Variants in GAD2 observed in about 807,000 individuals in gnomAD.
GAD2 encodes the protein 65 kDa glutamic acid decarboxylase.
In GAD2, 22 loss-of-function variants were observed where a neutral mutation model predicts 80.1. The ratio of observed to expected loss-of-function variants is 0.27; its 90% confidence interval spans 0.20 to 0.39. The LOEUF is 0.39. GAD2 is among the 10% of genes least tolerant of loss of function. The probability of loss-of-function intolerance (pLI) is 1.00; values close to 1 mark genes in which losing one functional copy is unlikely to be tolerated. For synonymous variants in GAD2, 274 were observed against 256.9 expected, an observed-to-expected ratio of 1.07 and a Z score of -0.64; for missense variants, 624 against 738.4, an observed-to-expected ratio of 0.85 and a Z score of 1.80.
At position 26,223,948 on chromosome 10, in the gene GAD2, C is replaced by T. The variant is rs773342443; in HGVS notation, c.582C>T (p.Asp194=). 6.2e-7 allele frequency: 1 copy of T among 1,611,330 alleles called. No individual in the cohort carries two copies. The highest frequency in any genetic ancestry group is 1.1e-5 in the South Asian group (1 of 90,770). ...TGLDMVGLAA[D]WLTSTANTNM... ...TGGATATGGTTGGATTAGCAGCAGA[C>T]TGGCTGACATCAACAGCAAATACTA... Residue 194 remains aspartate (D), a synonymous_variant, in exon 5 of 16, where the codon GAC becomes GAT. Coordinates refer to ENST00000376261, the MANE Select transcript of GAD2 (RefSeq NM_001134366.2).
rs777027610 is a variant in GAD2, at chr10:26,281,061, T to A, written c.1210T>A (p.Cys404Ser). The change falls in exon 12 of 16, where the codon TGC becomes AGC. Residue 404 changes from cysteine (C) to serine (S), a missense_variant. Cys to Ser is a moderately radical substitution (Grantham distance 112). Transcript: ENST00000376261. ...CAAGATGATGGGAGTCCCTTTGCAGTGCTCTGCTCTCCTGGTTAGAGAAGA... is the reference window on the plus strand; with the variant it reads ...CAAGATGATGGGAGTCCCTTTGCAGAGCTCTGCTCTCCTGGTTAGAGAAGA... Reference protein sequence around the residue: ...PHKMMGVPLQCSALLVREEGL... With the variant: ...PHKMMGVPLQSSALLVREEGL... The A allele has an allele frequency of 8.7e-6, 14 of 1,613,402 alleles. No homozygotes were observed. In the Admixed American group the frequency reaches 2.3e-4, roughly 27 times the overall value.
Position 26,300,969 on chromosome 10 carries a change from G to T in GAD2, c.*8G>T. ...CTTGGACAAGATTTATAATAACCTT[G>T]CTCACCAAGCTGTTCCACTTCTCTA... On this transcript the variant is annotated 3_prime_UTR_variant, in exon 16 of 16. Coordinates refer to ENST00000376261, the MANE Select transcript of GAD2 (RefSeq NM_001134366.2). The T allele has an allele frequency of 6.2e-7, 1 of 1,609,864 alleles. No individual in the cohort carries two copies.
At position 26,300,902 on chromosome 10, in the gene GAD2, A is replaced by G. The variant is rs1231976023; in HGVS notation, c.1699A>G (p.Thr567Ala). ...FRMVISNPAA[T>A]HQDIDFLIEE... is the part of the protein sequence containing the mutation. ...CATGGTCATCTCAAACCCAGCGGCA[A>G]CTCACCAAGACATTGACTTCCTGAT... The change falls in exon 16 of 16, where the codon ACT becomes GCT. Residue 567 changes from threonine to alanine, a missense_variant. By Grantham distance (58) the Thr-to-Ala change is moderately conservative. Transcript: ENST00000376261. 1 of 1,613,904 alleles carries G rather than the reference A, an allele frequency of 6.2e-7. No homozygotes were observed. Among genetic ancestry groups the G allele is most frequent in the Non-Finnish European group, 8.5e-7 (1 of 1,179,850 alleles).
intron 15 of GAD2, among the ~76,000 whole-genome samples, chr10:26,297,428 G>A (rs1834286715): frequency 6.6e-6 from 1 of 152,188 alleles, no homozygotes; most frequent in Non-Finnish European, 1.5e-5. Context: ...TTATGGAAAA[G>A]TCGCCTGGTT....
rs117831688 is a variant in GAD2 at position 26,236,618 on chromosome 10, G to A, written c.840+6841G>A. 4.1e-4 allele frequency among the ~76,000 whole-genome samples: 62 copies of A among 152,166 alleles called. No homozygotes were observed. In the East Asian group the frequency reaches 4.8e-3, roughly 12 times the overall value. ...ACCTGGCCATAAAGATGACTTTCACGTATCATTATTGGAGAGGTTTTTAGT... is the reference window on the plus strand; with the variant it reads ...ACCTGGCCATAAAGATGACTTTCACATATCATTATTGGAGAGGTTTTTAGT... On this transcript the variant is annotated intron_variant, in intron 7 of 15. Coordinates refer to ENST00000376261, the MANE Select transcript of GAD2 (RefSeq NM_001134366.2).
chr10:26,291,687 A>G (rs1005739884), intron 13 of GAD2, among the ~76,000 whole-genome samples: 2 of 152,160 alleles, frequency 1.3e-5, no homozygotes, highest in African/African-American at 2.4e-5. Flanking sequence ...TTTCTCCATC[A>G]GCACCCAGTA....
At chr10:26,245,881 T>C (rs754276904) in intron 7 of GAD2, 40 bp from the exon 8 acceptor site, 32 of 1,463,640 alleles carry the variant, frequency 2.2e-5, no homozygotes, top group Non-Finnish European at 3.0e-5. Flanking sequence ...ATCTTGTCTG[T>C]ATATGGAACT....
intron 11 of GAD2, among the ~76,000 whole-genome samples, chr10:26,278,707 A>G (rs1245169084): frequency 6.6e-6 from 1 of 152,028 alleles, no homozygotes; most frequent in Non-Finnish European, 1.5e-5. Context: ...AGGGGTAGTT[A>G]TCTGACCATG....
intron 11 of GAD2, among the ~76,000 whole-genome samples, chr10:26,277,356 G>T (rs992286522): frequency 6.6e-6 from 1 of 152,202 alleles, no homozygotes; most frequent in Non-Finnish European, 1.5e-5. Flanking sequence ...ATCTGCGGGG[G>T]TTCTTTCCAC....
rs771522366 is a variant in GAD2 at position 26,224,547 on chromosome 10, A to G, written c.620A>G (p.Tyr207Cys). ...TSTANTNMFTYEIAPVFVLLE... is the reference protein window; with the variant it reads ...TSTANTNMFTCEIAPVFVLLE... ...CCATTACTACATTTCAGGTTCACCTATGAAATTGCTCCAGTATTTGTGCTT... is the reference window on the plus strand; with the variant it reads ...CCATTACTACATTTCAGGTTCACCTGTGAAATTGCTCCAGTATTTGTGCTT... The change falls in exon 6 of 16, where the codon TAT (tyrosine) becomes TGT (cysteine). Residue 207 changes from tyrosine (Y) to cysteine (C), a missense_variant. Coordinates refer to ENST00000376261, the MANE Select transcript of GAD2 (RefSeq NM_001134366.2). 13 of 1,607,922 alleles carry G rather than the reference A, an allele frequency of 8.1e-6. No individual in the cohort carries two copies. The highest frequency in any genetic ancestry group is 1.1e-5 in the Non-Finnish European group (13 of 1,174,424).
chr10:26,300,007 A>G (rs753875857), intron 15 of GAD2, among the ~76,000 whole-genome samples: 4 of 152,332 alleles, frequency 2.6e-5, no homozygotes, highest in Non-Finnish European at 5.9e-5. Context: ...GTCTTGTCAG[A>G]GTTGAAGATT....
chr10:26,266,968 G>C (rs1403098746), intron 8 of GAD2, among the ~76,000 whole-genome samples: 2 of 152,154 alleles, frequency 1.3e-5, no homozygotes, highest in Non-Finnish European at 2.9e-5. Flanking sequence ...CTTTCAGGCT[G>C]TTGCCTTATT....
chr10:26,286,914 A>AT (rs1589153340), intron 13 of GAD2, among the ~76,000 whole-genome samples: 1 of 152,250 alleles, frequency 6.6e-6, no homozygotes, highest in East Asian at 1.9e-4. Context: ...ATGATAGCTT[A>AT]TTTTTTGACA....
At chr10:26,224,351 G>A (rs1589136902) in intron 5 of GAD2, among the ~76,000 whole-genome samples, 188 bp from the exon 6 acceptor site, 1 of 152,174 alleles carries the variant, frequency 6.6e-6, no homozygotes, top group Admixed American at 6.5e-5. Flanking sequence ...GCTCTTGACT[G>A]TAGGGATATA....
At chr10:26,230,756 T>C (rs1451439088) in intron 7 of GAD2, among the ~76,000 whole-genome samples, 2 of 150,614 alleles carry the variant, frequency 1.3e-5, no homozygotes, top group African/African-American at 4.9e-5. Context: ...TTAACATTCA[T>C]CTTTGGCTGA....
At chr10:26,289,253 G>A (rs1481101753) in intron 13 of GAD2, among the ~76,000 whole-genome samples, 1 of 152,150 alleles carries the variant, frequency 6.6e-6, no homozygotes, top group Non-Finnish European at 1.5e-5. Context: ...AGTTGGCTAT[G>A]ATGTTGAATC....
At chr10:26,287,907 C>T (rs1035341276) in intron 13 of GAD2, among the ~76,000 whole-genome samples, 8 of 152,092 alleles carry the variant, frequency 5.3e-5, no homozygotes, top group African/African-American at 1.9e-4. Context: ...CATGCTCAGT[C>T]CCATAAGAAA....
intron 15 of GAD2, among the ~76,000 whole-genome samples, chr10:26,300,496 A>G (rs1323203246): frequency 1.3e-5 from 2 of 152,134 alleles, no homozygotes; most frequent in Non-Finnish European, 1.5e-5. Flanking sequence ...CTTGGGGCCA[A>G]TACTAGATTC....
At chr10:26,277,417 C>G (rs531008484) in intron 11 of GAD2, among the ~76,000 whole-genome samples, 1 of 152,232 alleles carries the variant, frequency 6.6e-6, no homozygotes, top group African/African-American at 2.4e-5. Flanking sequence ...TGCCATTATG[C>G]GTGGAGAGCA....
Sources: allele counts gnomAD v4.1 joint callset (sites outside exome capture counted in the v4.1 genomes callset), GRCh38; gene constraint gnomAD v4.1.1; transcripts MANE v1.5; gene names NCBI Gene and HGNC (gene_info 2026-07-23, HGNC 2026-07-21).